The following ATG10 variants were observed in gnomAD, a reference collection of about 807,000 sequenced individuals.
ATG10 encodes ubiquitin-like-conjugating enzyme ATG10.
A neutral mutation model predicts 32.1 loss-of-function variants in ATG10; 30 were observed. The ratio of observed to expected loss-of-function variants is 0.94; its 90% CI spans 0.70 to 1.27. The LOEUF is 1.27. Among genes scored for constraint, ATG10 ranks in the 50% most tolerant of loss-of-function variants. The pLI is 0.00. For synonymous variants in ATG10, 87 were observed against 91.5 expected, an observed-to-expected ratio of 0.95 and a Z score of 0.28; for missense variants, 233 against 262.3, an observed-to-expected ratio of 0.89 and a Z score of 0.77.
At chr5:82,139,835 G>A (rs1332452738) in intron 3 of ATG10, among the ~76,000 whole-genome samples, 1 of 142,526 alleles carries the variant, frequency 7.0e-6, no homozygotes, top group South Asian at 2.3e-4. Context: ...ATCCGGGAGG[G>A]AGATGGGGGG....
chr5:81,978,092 C>T (rs751631898), intron 1 of ATG10, among the ~76,000 whole-genome samples: 4 of 151,912 alleles, frequency 2.6e-5, no homozygotes, highest in African/African-American at 4.8e-5. Flanking sequence ...TTTTTTGAGG[C>T]GGAGTCTTGC....
chr5:81,979,890 G>A (rs1201292551), intron 1 of ATG10, among the ~76,000 whole-genome samples: 1 of 145,648 alleles, frequency 6.9e-6, no homozygotes, highest in South Asian at 2.2e-4. Context: ...TTGTACATTT[G>A]CTTATGATTG....
chr5:82,080,502 C>T (rs1332614885), intron 3 of ATG10, among the ~76,000 whole-genome samples: 2 of 152,170 alleles, frequency 1.3e-5, no homozygotes, highest in African/African-American at 4.8e-5. Flanking sequence ...TTAGGTCTAA[C>T]ATTTAAGTCT....
At chr5:82,076,873 A>C (rs900392579) in intron 3 of ATG10, among the ~76,000 whole-genome samples, 4 of 152,212 alleles carry the variant, frequency 2.6e-5, no homozygotes, top group Non-Finnish European at 5.9e-5. Context: ...GTTTAAAAAA[A>C]TTGTATGCTA....
chr5:82,124,688 C>G (rs1386607529), intron 3 of ATG10, among the ~76,000 whole-genome samples: 1 of 152,032 alleles, frequency 6.6e-6, no homozygotes, highest in Non-Finnish European at 1.5e-5. Context: ...TCCAGTCTAA[C>G]ATTGATGGGC....
At chr5:82,146,303 G>A (rs548869388) in intron 3 of ATG10, among the ~76,000 whole-genome samples, 15 of 151,972 alleles carry the variant, frequency 9.9e-5, no homozygotes, top group African/African-American at 3.1e-4. Flanking sequence ...TCTAATTGAT[G>A]TTCCCCTATA....
intron 5 of ATG10, among the ~76,000 whole-genome samples, chr5:82,181,731 G>T (rs887804986): frequency 6.6e-6 from 1 of 152,092 alleles, no homozygotes; most frequent in Non-Finnish European, 1.5e-5. Flanking sequence ...AATATAAAAT[G>T]CATTTCACTT....
At chr5:82,129,350 A>G (rs1376796970) in intron 3 of ATG10, among the ~76,000 whole-genome samples, 1 of 151,918 alleles carries the variant, frequency 6.6e-6, no homozygotes, top group African/African-American at 2.4e-5. Context: ...CTGTCAATTC[A>G]TCAAACTCAT....
intron 2 of ATG10, among the ~76,000 whole-genome samples, chr5:82,021,790 C>T (rs188796848): frequency 2.0e-5 from 3 of 150,888 alleles, no homozygotes; most frequent in Non-Finnish European, 3.0e-5. Context: ...TTTGGGAGGC[C>T]GAGGCGGGCG....
chr5:82,011,721 G>A (rs1001593652), intron 2 of ATG10, among the ~76,000 whole-genome samples: 2 of 152,132 alleles, frequency 1.3e-5, no homozygotes, highest in Non-Finnish European at 2.9e-5. Context: ...GAGCACATTC[G>A]AAGTTTAGGC....
intron 3 of ATG10, 89 bp downstream of exon 3, chr5:82,058,691 C>A: frequency 1.6e-5 from 12 of 758,354 alleles, no homozygotes; most frequent in Non-Finnish European, 2.4e-5. Context: ...CGCATTCCAT[C>A]CTATGGAAGC....
At chr5:82,216,271 T>C (rs1175918077) in intron 5 of ATG10, among the ~76,000 whole-genome samples, 2 of 152,230 alleles carry the variant, frequency 1.3e-5, no homozygotes, top group African/African-American at 4.8e-5. Flanking sequence ...AGATTCAACT[T>C]AGTGAATTTC....
chr5:82,205,751 A>C (rs1243645411), intron 5 of ATG10, among the ~76,000 whole-genome samples: 1 of 152,236 alleles, frequency 6.6e-6, no homozygotes, highest in African/African-American at 2.4e-5. Context: ...TAGGACAAAC[A>C]GAAGGCATGG....
rs1328010258 is a variant in ATG10, at chr5:82,034,766, A to T, written c.109-23729A>T. Among the ~76,000 whole-genome samples, 4 of 151,988 alleles carry T rather than the reference A, an allele frequency of 2.6e-5. No individual in the cohort carries two copies. In the East Asian group the frequency reaches 5.8e-4, roughly 22 times the overall value. ...TTGTGTTCTTCCCCTAGATAGCTTTATGACTTGCCCCCTTACTTTCTTCAT... is the reference window on the plus strand; with the variant it reads ...TTGTGTTCTTCCCCTAGATAGCTTTTTGACTTGCCCCCTTACTTTCTTCAT... On this transcript the variant is annotated intron_variant, in intron 2 of 7. Transcript: ENST00000282185.
intron 1 of ATG10, among the ~76,000 whole-genome samples, chr5:81,981,561 A>G (rs919784703): frequency 6.6e-6 from 1 of 152,240 alleles, no homozygotes; most frequent in African/African-American, 2.4e-5. Flanking sequence ...AATTGTTGCT[A>G]GGAGGGACAA....
chr5:82,115,247 A>AT (rs1246720900), intron 3 of ATG10, among the ~76,000 whole-genome samples: 1 of 152,038 alleles, frequency 6.6e-6, no homozygotes, highest in African/African-American at 2.4e-5. Context: ...GTAGTAAGTG[A>AT]TTTTATGGAA....
intron 2 of ATG10, among the ~76,000 whole-genome samples, chr5:82,007,128 A>C (rs1762006874): frequency 6.6e-6 from 1 of 152,136 alleles, no homozygotes; most frequent in Non-Finnish European, 1.5e-5. Flanking sequence ...TTTGTCTTTT[A>C]ATGACTGGCT....
At chr5:82,125,672 C>T (rs1038726898) in intron 3 of ATG10, among the ~76,000 whole-genome samples, 1 of 151,936 alleles carries the variant, frequency 6.6e-6, no homozygotes, top group African/African-American at 2.4e-5. Flanking sequence ...TTGTAGTTAC[C>T]GTAGCCTTGT....
In ATG10 at chr5:82,058,514, T is replaced by A. The variant is rs1411359560; in HGVS notation, c.128T>A (p.Met43Lys). 6 of 1,613,146 alleles carry A rather than the reference T, an allele frequency of 3.7e-6. No homozygotes were observed. Among genetic ancestry groups the A allele is most frequent in the East Asian group, 2.2e-5 (1 of 44,838 alleles). The change falls in exon 3 of 8, where the codon ATG becomes AAG. Residue 43 changes from methionine to lysine, a missense_variant. Met to Lys is a moderately conservative substitution (Grantham distance 95, BLOSUM62 -1). Coordinates refer to ENST00000282185, the MANE Select transcript of ATG10 (RefSeq NM_031482.5). ...RPSKDCSDGY[M>K]CKIHFQIKNG... The stretch of plus-strand genomic sequence containing the variant: ...ACACAGGACTGTTCTGATGGCTACA[T>A]GTGCAAAATACACTTTCAAATTAAG...
Sources: gnomAD v4.1 joint callset for allele counts (sites outside exome capture counted in the v4.1 genomes callset) on GRCh38, gnomAD v4.1.1 for gene constraint, MANE v1.5 for transcripts, NCBI Gene and HGNC (gene_info 2026-07-23, HGNC 2026-07-21) for gene names.